Variants in UPRT observed in about 807,000 individuals in gnomAD.
The protein encoded by UPRT is uracil phosphoribosyltransferase homolog.
A neutral mutation model predicts 22.6 loss-of-function variants in UPRT; 5 were observed. The ratio of observed to expected loss-of-function variants is 0.22; its 90% CI spans 0.12 to 0.47. The LOEUF is 0.47. UPRT is among the 20% of genes least tolerant of loss of function. The pLI is 0.99. For missense variants in UPRT, 181 were observed against 239.9 expected, an observed-to-expected ratio of 0.75 and a Z score of 1.62; for synonymous variants, 77 against 87.7, an observed-to-expected ratio of 0.88 and a Z score of 0.68.
chrX:75,248,094 TAA>T (rs2082513570), intron 4 of UPRT, among the ~76,000 whole-genome samples: 1 of 111,287 alleles, frequency 9.0e-6, no homozygotes, highest in Non-Finnish European at 1.9e-5. Context: ...CAAAGGTAGA[TAA>T]AACCATAAAG....
intron 4 of UPRT, among the ~76,000 whole-genome samples, chrX:75,175,025 TTC>T (rs749630414): frequency 3.6e-5 from 4 of 111,027 alleles, no homozygotes; most frequent in Non-Finnish European, 7.5e-5. Context: ...TCTGATGTTT[TTC>T]TCTCTTTCCT....
intron 1 of UPRT, among the ~76,000 whole-genome samples, chrX:75,276,695 G>A (rs2082633100): frequency 8.9e-6 from 1 of 111,974 alleles, no homozygotes; most frequent in Non-Finnish European, 1.9e-5. Context: ...CTCATATGAA[G>A]ATTTTTAATA....
intron 2 of UPRT, among the ~76,000 whole-genome samples, chrX:75,295,894 C>A (rs2082724325): frequency 2.7e-5 from 3 of 112,104 alleles, no homozygotes; most frequent in Admixed American, 1.9e-4. Flanking sequence ...AAGTTTCAGG[C>A]TTTATTTACA....
intron 4 of UPRT, among the ~76,000 whole-genome samples, chrX:75,261,841 T>C (rs761489883): frequency 3.8e-4 from 42 of 111,536 alleles, no homozygotes; most frequent in Middle Eastern, 4.6e-3. Context: ...GTGGGCTTCA[T>C]CCCTGGGATG....
chrX:75,258,725 T>C (rs2082557703), intron 4 of UPRT, among the ~76,000 whole-genome samples: 1 of 112,051 alleles, frequency 8.9e-6, no homozygotes, highest in Non-Finnish European at 1.9e-5. Context: ...CCCTGCATGA[T>C]GGCTCTGAAG....
intron 1 of UPRT, among the ~76,000 whole-genome samples, chrX:75,277,520 G>A (rs770154321): frequency 2.7e-5 from 3 of 110,325 alleles, no homozygotes; most frequent in Admixed American, 1.9e-4. Context: ...AAATGAAGAT[G>A]TTGGTAAATA....
At chrX:75,224,532 A>G (rs2082418456) in intron 4 of UPRT, among the ~76,000 whole-genome samples, 1 of 110,942 alleles carries the variant, frequency 9.0e-6, no homozygotes, top group Admixed American at 9.6e-5. Flanking sequence ...AGTATTCCAC[A>G]GTTACCTTGG....
At chrX:75,159,280 G>A (rs1457283094) in intron 1 of UPRT, among the ~76,000 whole-genome samples, 1 of 112,190 alleles carries the variant, frequency 8.9e-6, no homozygotes, top group Non-Finnish European at 1.9e-5. Context: ...CAATGTTGCT[G>A]CAAATGACAG....
chrX:75,296,688 AG>A (rs1435862783), intron 3 of UPRT, among the ~76,000 whole-genome samples: 1 of 111,902 alleles, frequency 8.9e-6, no homozygotes, highest in Non-Finnish European at 1.9e-5. Flanking sequence ...TTGAGACCAT[AG>A]TTAAGAATTG....
intron 4 of UPRT, among the ~76,000 whole-genome samples, chrX:75,257,581 C>T (rs1431315903): frequency 8.1e-5 from 9 of 111,680 alleles, no homozygotes; most frequent in Non-Finnish European, 1.7e-4. Context: ...GTTAAACTGT[C>T]ACTGTTGATG....
intron 4 of UPRT, among the ~76,000 whole-genome samples, chrX:75,264,709 TG>T (rs1453039051): frequency 8.9e-6 from 1 of 111,834 alleles, no homozygotes; most frequent in Non-Finnish European, 1.9e-5. Flanking sequence ...AATATTGTTA[TG>T]TGTGAATTTG....
chrX:75,173,959 C>T (rs915421500), intron 4 of UPRT, among the ~76,000 whole-genome samples: 8 of 111,047 alleles, frequency 7.2e-5, no homozygotes, highest in Middle Eastern at 4.7e-3. Context: ...CATGCAGCCC[C>T]GGTTCCCGCT....
intron 4 of UPRT, among the ~76,000 whole-genome samples, chrX:75,179,716 G>T (rs2082262683): frequency 8.8e-6 from 1 of 113,433 alleles, no homozygotes; most frequent in South Asian, 3.5e-4. Flanking sequence ...TGGTGGGCTG[G>T]CACTGCTGGG....
chrX:75,200,806 G>A (rs2082345334), intron 4 of UPRT, among the ~76,000 whole-genome samples: 1 of 111,172 alleles, frequency 9.0e-6, no homozygotes, highest in South Asian at 3.9e-4. Flanking sequence ...TTAGCCAGAT[G>A]TGGTGGCTAA....
At position 75,174,474 on chromosome X, in the gene UPRT, A is replaced by G. The variant is rs1455448235; in HGVS notation, c.-447+6595A>G. On this transcript the variant is annotated intron_variant, in intron 4 of 13. Coordinates refer to the UPRT transcript ENST00000652605. ...AAGGTGAGTAACAGCAAGATGGCTG[A>G]CACGGGACCTAGAAAGGGGAGAAGC... 2.7e-5 allele frequency among the ~76,000 whole-genome samples: 3 copies of G among 112,129 alleles called. No homozygotes were observed. The Admixed American group carries it at 2.8e-4, about 11-fold the overall frequency.
intron 4 of UPRT, among the ~76,000 whole-genome samples, chrX:75,225,910 C>T (rs181283792): frequency 1.1e-4 from 12 of 111,356 alleles, no homozygotes; most frequent in Middle Eastern, 4.7e-3. Context: ...ATACTGTATG[C>T]GGCTTCCTAG....
At chrX:75,205,383 CAAAAAAAAAAAAAAAAAA>C (rs55819232) in intron 4 of UPRT, among the ~76,000 whole-genome samples, 2 of 38,147 alleles carry the variant, frequency 5.2e-5, no homozygotes, top group Non-Finnish European at 8.1e-5. Flanking sequence ...GACTCCGTCT[CAAAAAAAAAAAAAAAAAA>C]AAAAAAAAAA....
rs368041166 is a variant in UPRT at position 75,246,853 on chromosome X, GTGA to G, written c.-446-44164_-446-44162del. Among the ~76,000 whole-genome samples the G allele has an allele frequency of 8.2e-3, 914 of 111,862 alleles. 12 individuals carry two copies. The highest frequency in any genetic ancestry group is 0.027 in the African/African-American group (840 of 30,718). ...TTCATTTGCATTTCTCTGATGATCA[GTGA>G]TGATGAGCATTTTTTCATGTGTCTG... On this transcript the variant is annotated intron_variant, in intron 4 of 13. Coordinates refer to the UPRT transcript ENST00000652605.
At chrX:75,252,262 A>G (rs551454597) in intron 4 of UPRT, among the ~76,000 whole-genome samples, 5 of 112,192 alleles carry the variant, frequency 4.5e-5, no homozygotes, top group Admixed American at 1.9e-4. Context: ...AACTACCATC[A>G]GAGTGAACAG....
Sources: allele counts gnomAD v4.1 joint callset (sites outside exome capture counted in the v4.1 genomes callset), GRCh38; gene constraint gnomAD v4.1.1; transcripts MANE v1.5; gene names NCBI Gene and HGNC (gene_info 2026-07-23, HGNC 2026-07-21).